Variants in NPAS2 observed in about 807,000 individuals in gnomAD.
NPAS2 encodes the protein neuronal PAS domain-containing protein 2.
A neutral mutation model predicts 107.5 loss-of-function variants in NPAS2; 23 were observed. The observed-to-expected ratio is 0.21, with a 90% CI of 0.15 to 0.30. The LOEUF (loss-of-function observed/expected upper bound fraction) is 0.30. NPAS2 is among the 10% of genes least tolerant of loss of function. NPAS2 has a pLI of 1.00. For synonymous variants in NPAS2, 403 were observed against 417.5 expected (o/e 0.97, Z 0.42); for missense variants, 756 against 1,043.3 (o/e 0.72, Z 3.79).
intron 7 of NPAS2, among the ~76,000 whole-genome samples, chr2:100,956,916 C>T (rs537619857): frequency 2.6e-5 from 4 of 152,308 alleles, no homozygotes; most frequent in Admixed American, 2.0e-4. Flanking sequence ...AACTAGGTGA[C>T]GTTACACTCT....
intron 1 of NPAS2, among the ~76,000 whole-genome samples, chr2:100,862,282 G>A (rs192859484): frequency 6.6e-6 from 1 of 152,248 alleles, no homozygotes; most frequent in African/African-American, 2.4e-5. Flanking sequence ...TATGCAGTAG[G>A]TTCAATCATT....
At chr2:100,845,065 C>T (rs1007400379) in intron 1 of NPAS2, among the ~76,000 whole-genome samples, 4 of 152,134 alleles carry the variant, frequency 2.6e-5, no homozygotes, top group African/African-American at 9.7e-5. Flanking sequence ...TGCAAGCATG[C>T]CCTGATTGGA....
At chr2:100,966,560 G>A (rs1176649325) in intron 10 of NPAS2, among the ~76,000 whole-genome samples, 2 of 150,112 alleles carry the variant, frequency 1.3e-5, no homozygotes, top group Non-Finnish European at 1.5e-5. Context: ...TTTAAAAGAT[G>A]CCTCACCTGT....
chr2:100,968,311 G>T lies in NPAS2; in HGVS notation c.938G>T (p.Cys313Phe). The change falls in exon 11 of 21, where the codon TGC (cysteine) becomes TTC (phenylalanine). Residue 313 changes from cysteine to phenylalanine, a missense_variant. By Grantham distance (205) the Cys-to-Phe change is radical (BLOSUM62 -2). Transcript: ENST00000335681. This position sits in a 1 kb window ranked among gnomAD's most constrained non-coding sequence, Gnocchi z 5.3. ...CAGTTTGGCAAAGGGAAGTCGTGTT[G>T]CTACCGGTTTCTGACCAAAGGTCAG... Reference protein sequence around the residue: ...LMQFGKGKSCCYRFLTKGQQW... With the variant: ...LMQFGKGKSCFYRFLTKGQQW... 6.2e-7 allele frequency: 1 copy of T among 1,614,118 alleles called. No individual in the cohort carries two copies. Among genetic ancestry groups the T allele is most frequent in the East Asian group, 2.2e-5 (1 of 44,872 alleles).
In NPAS2 at chr2:100,896,002, C is replaced by T. The variant is rs149922031; in HGVS notation, c.-22-8731C>T. On this transcript the variant is annotated intron_variant, in intron 1 of 20. Transcript: ENST00000335681. ...TAAGAAAGGCTGAAGCTCAGTGTCACCTCCCTTAGCAGGGGCTCAGTGGCC... is the reference window on the plus strand; with the variant it reads ...TAAGAAAGGCTGAAGCTCAGTGTCATCTCCCTTAGCAGGGGCTCAGTGGCC... Among the ~76,000 whole-genome samples the T allele has an allele frequency of 2.0e-3, 309 of 152,314 alleles. 2 individuals carry two copies. Among genetic ancestry groups the T allele is most frequent in the African/African-American group, 6.5e-3 (272 of 41,566 alleles).
At chr2:100,908,250 G>A (rs185501736) in intron 2 of NPAS2, among the ~76,000 whole-genome samples, 138 of 152,192 alleles carry the variant, frequency 9.1e-4, no homozygotes, top group Non-Finnish European at 1.5e-3. Flanking sequence ...ATGTAGCTGC[G>A]TCTGATCCCC....
intron 16 of NPAS2, chr2:100,987,828 G>C: frequency 1.8e-6 from 1 of 542,248 alleles, no homozygotes; most frequent in Non-Finnish European, 3.3e-6. Flanking sequence ...CACATTGTTA[G>C]GCCTCAGTCA....
At chr2:100,966,313 CA>C (rs890192662) in intron 10 of NPAS2, among the ~76,000 whole-genome samples, 6 of 152,100 alleles carry the variant, frequency 3.9e-5, no homozygotes, top group African/African-American at 1.4e-4. Context: ...AGGACCCTCA[CA>C]GCTGGGGTTC....
chr2:100,967,350 G>T (rs1019476142), intron 10 of NPAS2, among the ~76,000 whole-genome samples: 1 of 137,924 alleles, frequency 7.3e-6, no homozygotes, highest in Non-Finnish European at 1.5e-5. Context: ...CCTCAGCCTC[G>T]TGAGTAGCTG....
intron 2 of NPAS2, among the ~76,000 whole-genome samples, chr2:100,917,356 C>T (rs1249327321): frequency 6.6e-6 from 1 of 152,006 alleles, no homozygotes; most frequent in East Asian, 1.9e-4. Context: ...GTGAAACCCC[C>T]GTCTCTACTA....
chr2:100,971,321 G>T (rs1407160899), intron 12 of NPAS2, among the ~76,000 whole-genome samples: 1 of 123,098 alleles, frequency 8.1e-6, no homozygotes, highest in South Asian at 2.8e-4. Flanking sequence ...AAAAAAAAGA[G>T]CCTGCAGAGC....
chr2:100,995,740 C>A lies in NPAS2; in HGVS notation c.*158C>A. On this transcript the variant is annotated 3_prime_UTR_variant, in exon 21 of 21. Transcript: ENST00000335681. Reference sequence around the variant, plus strand: ...GATGGTAACCATCTCTGGAGTGCAGCGCTTGCTGCAGTGGAAATGATCAGG... The same window carrying A: ...GATGGTAACCATCTCTGGAGTGCAGAGCTTGCTGCAGTGGAAATGATCAGG... 6.5e-7 allele frequency: 1 copy of A among 1,549,604 alleles called. No individual in the cohort carries two copies. The highest frequency in any genetic ancestry group is 1.4e-5 in the African/African-American group (1 of 73,160).
At chr2:100,876,179 C>T (rs1679954407) in intron 1 of NPAS2, among the ~76,000 whole-genome samples, 1 of 152,186 alleles carries the variant, frequency 6.6e-6, no homozygotes, top group Non-Finnish European at 1.5e-5. Flanking sequence ...CCTCTCTTCC[C>T]CGTAGCTGGT....
rs149710066 is a variant in NPAS2, at chr2:100,855,599, C to T, written c.-23+35185C>T. 7.9e-5 allele frequency among the ~76,000 whole-genome samples: 12 copies of T among 152,332 alleles called. No homozygotes were observed. The East Asian group carries it at 2.3e-3, about 29-fold the overall frequency. ...CAGATGTGAGAAAGCACTTCAGAGC[C>T]TAATCAAAATGGCAGCTCTTTGCCC... is the stretch of plus-strand genomic sequence containing the variant. On this transcript the variant is annotated intron_variant, in intron 1 of 20. Transcript: ENST00000335681.
At chr2:100,927,985 A>G (rs981593184) in intron 3 of NPAS2, among the ~76,000 whole-genome samples, 14 of 152,232 alleles carry the variant, frequency 9.2e-5, no homozygotes, top group Admixed American at 9.2e-4. Flanking sequence ...TCTTCCATGC[A>G]GGCAGTGATG....
intron 2 of NPAS2, among the ~76,000 whole-genome samples, chr2:100,916,781 A>G (rs1178640675): frequency 6.6e-6 from 1 of 152,206 alleles, no homozygotes; most frequent in Non-Finnish European, 1.5e-5. Flanking sequence ...TTTCAAGTAC[A>G]TATTGAACAT....
Position 100,993,276 on chromosome 2 carries a change from G to A in NPAS2, c.2112-71G>A, listed in dbSNP as rs1176842267. The A allele has an allele frequency of 5.8e-6, 8 of 1,386,974 alleles. No homozygotes were observed. In the African/African-American group the frequency reaches 1.0e-4, roughly 18 times the overall value. The allele number at this position is 1,386,974 out of a possible 1,614,324, so 85.9% of individuals were successfully genotyped here. Reference sequence around the variant, plus strand: ...CCAACTTATTTGTTTTTTCTTTGTTGCTCGTGCTTTTGGTGTCGTATCAAT... The same window carrying A: ...CCAACTTATTTGTTTTTTCTTTGTTACTCGTGCTTTTGGTGTCGTATCAAT... On this transcript the variant is annotated intron_variant, in intron 19 of 20. Coordinates refer to ENST00000335681, the MANE Select transcript of NPAS2 (RefSeq NM_002518.4).
chr2:100,970,892 A>G, intron 11 of NPAS2, 98 bp from the exon 12 acceptor site: 1 of 1,000,480 alleles, frequency 1.0e-6, no homozygotes, highest in Non-Finnish European at 1.5e-6. Flanking sequence ...GGCAGGGGTT[A>G]CGTAGAGAAC....
At position 100,872,582 on chromosome 2, in the gene NPAS2, G is replaced by A. The variant is rs1201277273; in HGVS notation, c.-22-32151G>A. 2.0e-5 allele frequency among the ~76,000 whole-genome samples: 3 copies of A among 152,010 alleles called. No individual in the cohort carries two copies. In the East Asian group the frequency reaches 5.8e-4, roughly 29 times the overall value. ...CATGGTAGATAGATACCATTTTCTG[G>A]GGTTTCATTTATATTTGTTCTCTAT... On this transcript the variant is annotated intron_variant, in intron 1 of 20. Coordinates refer to ENST00000335681, the MANE Select transcript of NPAS2 (RefSeq NM_002518.4).
Sources: allele counts gnomAD v4.1 joint callset (sites outside exome capture counted in the v4.1 genomes callset), GRCh38; gene constraint gnomAD v4.1.1; non-coding constraint Gnocchi (gnomAD v3.1); transcripts MANE v1.5; gene names NCBI Gene and HGNC (gene_info 2026-07-23, HGNC 2026-07-21).